The following ERBIN variants were observed in gnomAD, a reference collection of about 807,000 sequenced individuals.
The protein encoded by ERBIN is erbb2 interacting protein.
In ERBIN, 60 loss-of-function variants were observed where a neutral mutation model predicts 158.4. That is an observed-to-expected ratio of 0.38 (90% CI 0.31 to 0.47). The LOEUF (loss-of-function observed/expected upper bound fraction) is 0.47, where lower values mean the gene tolerates loss of function less well. Ranked by LOEUF, ERBIN falls within the 20% of genes least tolerant of loss-of-function variation. ERBIN has a pLI of 0.99. For synonymous variants in ERBIN, 594 were observed against 557.2 expected, an observed-to-expected ratio of 1.07 and a Z score of -0.93; for missense variants, 1,610 against 1,648.0, an observed-to-expected ratio of 0.98 and a Z score of 0.40.
At chr5:65,935,584 T>A (rs112319311) in intron 1 of ERBIN, among the ~76,000 whole-genome samples, 2 of 152,348 alleles carry the variant, frequency 1.3e-5, no homozygotes, top group South Asian at 4.1e-4. Context: ...AAATATTTCA[T>A]TCCTTAGTAA....
intron 2 of ERBIN, among the ~76,000 whole-genome samples, chr5:65,992,001 C>T (rs6891911): frequency 0.042 from 6,453 of 152,206 alleles, 468 homozygotes; most frequent in African/African-American, 0.15. Flanking sequence ...AAAATATCTT[C>T]GCATTCCCAC....
chr5:66,057,645 C>T (rs908925415), intron 21 of ERBIN, among the ~76,000 whole-genome samples: 1 of 151,526 alleles, frequency 6.6e-6, no homozygotes, highest in African/African-American at 2.4e-5. Flanking sequence ...TGGTGTGCTG[C>T]ACCCATTAAC....
At chr5:65,954,721 G>T (rs558756318) in intron 1 of ERBIN, among the ~76,000 whole-genome samples, 1 of 151,768 alleles carries the variant, frequency 6.6e-6, no homozygotes, top group African/African-American at 2.4e-5. Context: ...AACAATTTTA[G>T]CAGGAATATC....
chr5:66,077,759 T>TCCACAC (rs1466127143), intron 25 of ERBIN, among the ~76,000 whole-genome samples: 1 of 139,288 alleles, frequency 7.2e-6, no homozygotes, highest in South Asian at 2.4e-4. Context: ...TCCCTCCCTC[T>TCCACAC]ACACACACAC....
chr5:65,926,978 C>A (rs982916782), intron 1 of ERBIN, among the ~76,000 whole-genome samples, 172 bp downstream of exon 1: 1 of 152,050 alleles, frequency 6.6e-6, no homozygotes, highest in Non-Finnish European at 1.5e-5. Context: ...TGCACCCCAC[C>A]GCGTCCCTTC....
intron 3 of ERBIN, among the ~76,000 whole-genome samples, chr5:65,994,015 A>C (rs1752166084): frequency 6.6e-6 from 1 of 152,218 alleles, no homozygotes. Flanking sequence ...GACAGTATGC[A>C]ACAGGCTTTT....
chr5:66,068,647 C>T (rs1218535489), intron 21 of ERBIN, among the ~76,000 whole-genome samples: 2 of 152,050 alleles, frequency 1.3e-5, no homozygotes, highest in Non-Finnish European at 2.9e-5. Flanking sequence ...TACTTTCTTC[C>T]TTTGCTTAAA....
intron 13 of ERBIN, among the ~76,000 whole-genome samples, chr5:66,026,670 A>G (rs1756292036): frequency 6.6e-6 from 1 of 151,998 alleles, no homozygotes; most frequent in Non-Finnish European, 1.5e-5. Context: ...CAGTTTTGCT[A>G]AAAGTTTTGG....
intron 1 of ERBIN, among the ~76,000 whole-genome samples, chr5:65,930,548 T>C (rs1743238178): frequency 1.3e-5 from 2 of 152,262 alleles, no homozygotes; most frequent in Admixed American, 1.3e-4. Context: ...GACCTCGTGA[T>C]CTGCCCACCT....
At chr5:66,015,295 A>T (rs1292936590) in intron 7 of ERBIN, among the ~76,000 whole-genome samples, 1 of 152,264 alleles carries the variant, frequency 6.6e-6, no homozygotes, top group African/African-American at 2.4e-5. Flanking sequence ...CAAATATCTT[A>T]AAACACTGTG....
intron 1 of ERBIN, among the ~76,000 whole-genome samples, chr5:65,981,971 G>C (rs1455461231): frequency 6.6e-6 from 1 of 152,200 alleles, no homozygotes; most frequent in East Asian, 1.9e-4. Flanking sequence ...TTTAGGTGGT[G>C]TAAAACATTC....
intron 1 of ERBIN, among the ~76,000 whole-genome samples, chr5:65,952,110 T>G (rs897141888): frequency 6.6e-6 from 1 of 152,214 alleles, no homozygotes; most frequent in Admixed American, 6.5e-5. Context: ...TAAGTATAAT[T>G]GAACGGTATA....
intron 4 of ERBIN, among the ~76,000 whole-genome samples, chr5:65,995,415 AT>A (rs1170698120): frequency 6.6e-6 from 1 of 151,264 alleles, no homozygotes; most frequent in Non-Finnish European, 1.5e-5. Context: ...TTTACTTAAC[AT>A]AATATCCTCC....
In ERBIN at chr5:66,024,290, C is replaced by CTT. The variant is rs533894721; in HGVS notation, c.673-10_673-9dup. On this transcript the variant is annotated splice_polypyrimidine_tract_variant and intron_variant, in intron 9 of 25. Coordinates refer to ENST00000284037, the MANE Select transcript of ERBIN (RefSeq NM_001253697.2). ...AATGTTAATAGAGTCATTAGATTTT[C>CTT]TTTTTTTACTTATAGTTTATTGGTA... The CTT allele has an allele frequency of 1.5e-5, 22 of 1,444,306 alleles. No homozygotes were observed. The highest frequency in any genetic ancestry group is 1.9e-5 in the Non-Finnish European group (20 of 1,061,560). 89.5% of individuals were successfully genotyped at this position (1,444,306 alleles called of 1,614,324 possible).
chr5:65,969,412 A>C (rs542293667), intron 1 of ERBIN, among the ~76,000 whole-genome samples: 6 of 152,348 alleles, frequency 3.9e-5, no homozygotes, highest in African/African-American at 1.4e-4. Context: ...TGTGTTGGAC[A>C]TTCGTAGTTT....
intron 21 of ERBIN, among the ~76,000 whole-genome samples, chr5:66,071,302 G>A (rs770301181): frequency 3.9e-5 from 6 of 152,124 alleles, no homozygotes; most frequent in Admixed American, 6.5e-5. Context: ...CCAGGAAGTC[G>A]AGGCTGCGGT....
rs923794347 is a variant in ERBIN at position 66,082,182 on chromosome 5, C to T, written c.*3652C>T. 4 of 152,160 alleles carry T rather than the reference C, an allele frequency of 2.6e-5. No homozygotes were observed. Among genetic ancestry groups the T allele is most frequent in the Non-Finnish European group, 4.4e-5 (3 of 68,026 alleles). The allele number at this position is 152,160 out of a possible 1,614,324, so 9.4% of individuals were successfully genotyped here. ...CTAATATCCAACCACCTGAGAAGCT[C>T]ATCCTAAGCTGAGAAAGCCTAAAAT... On this transcript the variant is annotated 3_prime_UTR_variant, in exon 26 of 26. Coordinates refer to ENST00000284037, the MANE Select transcript of ERBIN (RefSeq NM_001253697.2).
intron 1 of ERBIN, among the ~76,000 whole-genome samples, chr5:65,936,282 TCTTC>T (rs1182344854): frequency 6.6e-6 from 1 of 152,168 alleles, no homozygotes; most frequent in African/African-American, 2.4e-5. Context: ...TTGACTTTCC[TCTTC>T]CTTATAGATT....
intron 3 of ERBIN, 106 bp from the exon 4 acceptor site, chr5:65,994,641 G>T: frequency 1.6e-6 from 1 of 613,420 alleles, no homozygotes; most frequent in Non-Finnish European, 2.8e-6. Context: ...TGGTATTAGT[G>T]TAGGTTATAA....
Sources: gnomAD v4.1 joint callset for allele counts (sites outside exome capture counted in the v4.1 genomes callset) on GRCh38, gnomAD v4.1.1 for gene constraint, MANE v1.5 for transcripts, NCBI Gene and HGNC (gene_info 2026-07-23, HGNC 2026-07-21) for gene names.